The following WWOX variants were observed in gnomAD, a reference collection of about 807,000 sequenced individuals.
WWOX encodes WW domain-containing oxidoreductase.
In WWOX, 69 loss-of-function variants were observed where a neutral mutation model predicts 46.2. The ratio of observed to expected loss-of-function variants is 1.49; its 90% confidence interval spans 1.23 to 1.82. The LOEUF (loss-of-function observed/expected upper bound fraction) is 1.82. WWOX is among the 40% of genes most tolerant of loss of function. WWOX has a pLI of 0.00. For synonymous variants in WWOX, 359 were observed against 202.6 expected, an observed-to-expected ratio of 1.77 and a Z score of -6.56; for missense variants, 919 against 542.6, an observed-to-expected ratio of 1.69 and a Z score of -6.89.
At chr16:78,718,522 G>T (rs1286817962) in intron 8 of WWOX, among the ~76,000 whole-genome samples, 1 of 152,064 alleles carries the variant, frequency 6.6e-6, no homozygotes, top group Admixed American at 6.6e-5. Context: ...GAATTTGCCA[G>T]TCAGAAAAAT....
At chr16:78,907,387 C>T (rs560859555) in intron 8 of WWOX, among the ~76,000 whole-genome samples, 4 of 152,204 alleles carry the variant, frequency 2.6e-5, no homozygotes, top group Non-Finnish European at 5.9e-5. Flanking sequence ...CTTGTAACCT[C>T]TGGAATAATG....
At chr16:78,479,217 A>G (rs1361006260) in intron 8 of WWOX, among the ~76,000 whole-genome samples, 1 of 152,260 alleles carries the variant, frequency 6.6e-6, no homozygotes, top group African/African-American at 2.4e-5. Context: ...TTCATCCAAT[A>G]CGTATTGAAT....
At chr16:78,808,452 G>A (rs1459405180) in intron 8 of WWOX, among the ~76,000 whole-genome samples, 3 of 152,116 alleles carry the variant, frequency 2.0e-5, no homozygotes, top group South Asian at 4.1e-4. Flanking sequence ...ATTTTAAAGT[G>A]TTATTGAATC....
chr16:79,061,767 CAGCA>C (rs2048361535), intron 8 of WWOX, among the ~76,000 whole-genome samples: 3 of 148,004 alleles, frequency 2.0e-5, no homozygotes, highest in Non-Finnish European at 4.5e-5. Flanking sequence ...AGCATATTAA[CAGCA>C]ATACTGATCA....
At chr16:78,198,679 A>G (rs960971603) in intron 5 of WWOX, among the ~76,000 whole-genome samples, 4 of 152,202 alleles carry the variant, frequency 2.6e-5, no homozygotes, top group Non-Finnish European at 5.9e-5. Flanking sequence ...TGTTACGAGC[A>G]TGGATTTAGC....
chr16:78,220,214 G>A (rs1458090291), intron 5 of WWOX, among the ~76,000 whole-genome samples: 2 of 152,072 alleles, frequency 1.3e-5, no homozygotes, highest in Non-Finnish European at 2.9e-5. Flanking sequence ...GCGTTTCTTT[G>A]GCCTCCCATG....
chr16:79,031,801 TA>T, intron 8 of WWOX, among the ~76,000 whole-genome samples: 1 of 141,052 alleles, frequency 7.1e-6, no homozygotes, highest in South Asian at 2.2e-4. Context: ...TATATATAGA[TA>T]TCTATATAAT....
At chr16:78,355,732 AACATATGAAGAG>A in intron 5 of WWOX, 1 of 726,348 alleles carries the variant, frequency 1.4e-6, no homozygotes, top group East Asian at 3.6e-5. Context: ...TTGATGAGGA[AACATATGAAGAG>A]ACATATGAAT....
At chr16:78,827,386 G>A (rs2051686857) in intron 8 of WWOX, among the ~76,000 whole-genome samples, 1 of 152,074 alleles carries the variant, frequency 6.6e-6, no homozygotes, top group Admixed American at 6.6e-5. Flanking sequence ...TCAACTCACA[G>A]AGGAAGTGGA....
intron 8 of WWOX, among the ~76,000 whole-genome samples, chr16:78,548,889 G>A (rs1245843648): frequency 6.6e-6 from 1 of 152,080 alleles, no homozygotes; most frequent in Non-Finnish European, 1.5e-5. Flanking sequence ...GTAAGTTAAT[G>A]TGCACCTAGT....
intron 8 of WWOX, among the ~76,000 whole-genome samples, chr16:78,603,549 C>T (rs113874937): frequency 6.6e-6 from 1 of 152,046 alleles, no homozygotes; most frequent in African/African-American, 2.4e-5. Context: ...AAAAAATTAG[C>T]TGGGCGTGGT....
At position 78,975,153 on chromosome 16, in the gene WWOX, A is replaced by G. The variant is rs1275764693; in HGVS notation, c.1057-236455A>G. On this transcript the variant is annotated intron_variant, in intron 8 of 8. Transcript: ENST00000566780. ...AGATACTCCAGTCCTTAAAAAGTCA[A>G]CATTGTTATGTTTTACTTAGTTATG... Among the ~76,000 whole-genome samples the G allele has an allele frequency of 3.9e-5, 6 of 152,184 alleles. No homozygotes were observed. In the East Asian group the frequency reaches 1.2e-3, roughly 29 times the overall value.
intron 8 of WWOX, among the ~76,000 whole-genome samples, chr16:79,167,855 G>C (rs986195407): frequency 6.6e-6 from 1 of 152,050 alleles, no homozygotes; most frequent in African/African-American, 2.4e-5. Context: ...TCAAAACTTT[G>C]TCATCACCCC....
chr16:78,812,612 G>C (rs1217542740), intron 8 of WWOX, among the ~76,000 whole-genome samples: 2 of 151,924 alleles, frequency 1.3e-5, no homozygotes, highest in East Asian at 3.9e-4. Context: ...TGTAATCCCA[G>C]CTGCTCGGGA....
chr16:78,532,094 T>C (rs1179806333), intron 8 of WWOX, among the ~76,000 whole-genome samples: 1 of 151,322 alleles, frequency 6.6e-6, no homozygotes, highest in East Asian at 2.0e-4. Flanking sequence ...CCCTTATGCA[T>C]TTGGGAGTGG....
At chr16:78,311,791 G>T (rs868765091) in intron 5 of WWOX, among the ~76,000 whole-genome samples, 1 of 36,014 alleles carries the variant, frequency 2.8e-5, no homozygotes, top group African/African-American at 1.3e-4. Context: ...GCAGCCTGGC[G>T]GGGGGGTATT....
In WWOX at chr16:78,108,404, ATTTTTTG is replaced by A. The variant is rs767640291; in HGVS notation, c.108-12_108-6del. 3.9e-6 allele frequency: 6 copies of A among 1,550,456 alleles called. No individual in the cohort carries two copies. In the Admixed American group the frequency reaches 1.0e-4, roughly 26 times the overall value. ...AGTTAATTTTTACTTATTACTGTGG[ATTTTTTG>A]TTTTTTAACAGTCACACCGAGGAGA... On this transcript the variant is annotated splice_polypyrimidine_tract_variant and intron_variant, in intron 1 of 8. Transcript: ENST00000566780.
At chr16:78,503,848 G>A (rs1189455470) in intron 8 of WWOX, 3 of 152,166 alleles carry the variant, frequency 2.0e-5, no homozygotes, top group African/African-American at 7.2e-5. Flanking sequence ...AAACAGTAGT[G>A]TTGTCAAATT....
At chr16:78,672,463 G>C (rs1055347360) in intron 8 of WWOX, among the ~76,000 whole-genome samples, 1 of 152,180 alleles carries the variant, frequency 6.6e-6, no homozygotes, top group Non-Finnish European at 1.5e-5. Context: ...CACTCCTCAT[G>C]TTCCGGTTTC....
Sources: gnomAD v4.1 joint callset for allele counts (sites outside exome capture counted in the v4.1 genomes callset) on GRCh38, gnomAD v4.1.1 for gene constraint, MANE v1.5 for transcripts, NCBI Gene and HGNC (gene_info 2026-07-23, HGNC 2026-07-21) for gene names.